ARR3: variants seen among roughly 807,000 people sequenced by gnomAD.
ARR3 encodes the protein arrestin 3, also known as arrestin-C.
A neutral mutation model predicts 35.4 loss-of-function variants in ARR3; 14 were observed. The ratio of observed to expected loss-of-function variants is 0.40; its 90% confidence interval spans 0.26 to 0.62. The LOEUF (loss-of-function observed/expected upper bound fraction) is 0.62. Among genes scored for constraint, ARR3 ranks in the 20% least tolerant of loss-of-function variants. ARR3 has a pLI of 0.46. For missense variants in ARR3, 259 were observed against 303.8 expected (o/e 0.85, Z 1.10); for synonymous variants, 97 against 119.1 (o/e 0.81, Z 1.21).
At chrX:70,274,055 A>G (rs1374642488) in intron 5 of ARR3, among the ~76,000 whole-genome samples, 2 of 109,825 alleles carry the variant, frequency 1.8e-5, no homozygotes, top group East Asian at 5.7e-4. Context: ...TTTGGTGTTT[A>G]TTATTCTCTT....
chrX:70,278,369 C>T (rs1387380327), intron 11 of ARR3, 135 bp from the exon 12 acceptor site: 2 of 853,399 alleles, frequency 2.3e-6, no homozygotes, highest in African/African-American at 4.1e-5. Flanking sequence ...TTCTCCCAGT[C>T]TTCAGTTAAA....
rs187224680 is a variant in ARR3, at chrX:70,273,971, G to A, written c.146-2111G>A. ...CTCCTGTGTGTCCTTCCCTGATCCAGTTTGCCTCCCTCCCTCCCTACTTAA... is the reference window on the plus strand; with the variant it reads ...CTCCTGTGTGTCCTTCCCTGATCCAATTTGCCTCCCTCCCTCCCTACTTAA... On this transcript the variant is annotated intron_variant, in intron 5 of 16. Coordinates refer to ENST00000307959, the MANE Select transcript of ARR3 (RefSeq NM_004312.3). 2.8e-4 allele frequency among the ~76,000 whole-genome samples: 31 copies of A among 110,064 alleles called. 1 individual carries two copies. The highest frequency in any genetic ancestry group is 9.6e-4 in the African/African-American group (29 of 30,212).
chrX:70,273,520 C>T (rs2085639166), intron 5 of ARR3, among the ~76,000 whole-genome samples: 1 of 112,061 alleles, frequency 8.9e-6, no homozygotes, highest in African/African-American at 3.2e-5. Context: ...CTGTGCCCGG[C>T]CTCCAAAGGG....
rs368374611 is a variant in ARR3, at chrX:70,273,518, G to A, written c.146-2564G>A. On this transcript the variant is annotated intron_variant, in intron 5 of 16. Transcript: ENST00000307959. Reference sequence around the variant, plus strand: ...ATTACAGGCGTGAGCCACTGTGCCCGGCCTCCAAAGGGATTTCGAATACAT... The same window carrying A: ...ATTACAGGCGTGAGCCACTGTGCCCAGCCTCCAAAGGGATTTCGAATACAT... 9.6e-4 allele frequency among the ~76,000 whole-genome samples: 107 copies of A among 111,857 alleles called. No homozygotes were observed. The East Asian group carries it at 0.012, about 12-fold the overall frequency.
chrX:70,269,994 G>A, intron 4 of ARR3, 91 bp downstream of exon 4: 1 of 1,174,262 alleles, frequency 8.5e-7, no homozygotes, highest in Non-Finnish European at 1.2e-6. Context: ...CAGAAAAGGA[G>A]GCAAATTAAA....
intron 1 of ARR3, among the ~76,000 whole-genome samples, chrX:70,268,652 T>C (rs1372572720): frequency 8.9e-6 from 1 of 111,759 alleles, no homozygotes; most frequent in Non-Finnish European, 1.9e-5. Context: ...TGGATGGGGA[T>C]AAGGATGGGA....
Position 70,281,705 on chromosome X carries a change from C to T in ARR3, c.1106C>T (p.Thr369Met), listed in dbSNP as rs369964106. 12 of 1,186,719 alleles carry T rather than the reference C, an allele frequency of 1.0e-5. No homozygotes were observed. The highest frequency in any genetic ancestry group is 1.8e-5 in the African/African-American group (1 of 57,098). The change falls in exon 17 of 17, where the codon ACG becomes ATG. Residue 369 changes from threonine (T) to methionine (M), a missense_variant. Physicochemically the swap from Thr to Met is moderately conservative, Grantham distance 81. Transcript: ENST00000307959. ...GAGGACATAGTCATCGAGGAGTTTA[C>T]GCGGAAAGGCGAGGAGGAGAGCCAG... ...SSEDIVIEEFTRKGEEESQKA... is the reference protein window; with the variant it reads ...SSEDIVIEEFMRKGEEESQKA...
chrX:70,270,213 G>A (rs1302027026), intron 5 of ARR3, 69 bp downstream of exon 5: 1 of 1,086,128 alleles, frequency 9.2e-7, no homozygotes, highest in Non-Finnish European at 1.3e-6. Flanking sequence ...TTGCACCAGA[G>A]TACAACAAAA....
intron 5 of ARR3, among the ~76,000 whole-genome samples, chrX:70,273,463 C>T (rs1306485972): frequency 1.8e-5 from 2 of 111,390 alleles, no homozygotes; most frequent in Admixed American, 9.5e-5. Context: ...CTCAGCCTAT[C>T]CACCCGCCTG....
intron 14 of ARR3, 29 bp downstream of exon 14, chrX:70,280,611 G>A (rs189468851): frequency 1.0e-4 from 119 of 1,195,680 alleles, no homozygotes; most frequent in Admixed American, 3.6e-4. Context: ...GGGGAACTTG[G>A]GCAAGAAGAG....
At chrX:70,270,923 C>T (rs1404031710) in intron 5 of ARR3, among the ~76,000 whole-genome samples, 2 of 109,626 alleles carry the variant, frequency 1.8e-5, no homozygotes, top group African/African-American at 6.7e-5. Flanking sequence ...TTTTAATTCT[C>T]ACTATGGATT....
intron 16 of ARR3, 29 bp from the exon 17 acceptor site, chrX:70,281,647 C>T (rs1602726448): frequency 8.8e-7 from 1 of 1,138,643 alleles, no homozygotes; most frequent in East Asian, 3.2e-5. Flanking sequence ...GGTTCCTAAC[C>T]TTCCATTCTC....
intron 9 of ARR3, 24 bp from the exon 10 acceptor site, chrX:70,277,692 C>T: frequency 3.3e-6 from 4 of 1,200,860 alleles, no homozygotes; most frequent in Non-Finnish European, 4.5e-6. Context: ...CCAGCCTTGA[C>T]ATGGGTCCCC....
In ARR3 at chrX:70,269,345, C is replaced by A; in HGVS notation, c.-30-11C>A. 2 of 1,201,938 alleles carry A rather than the reference C, an allele frequency of 1.7e-6. No individual in the cohort carries two copies. Among genetic ancestry groups the A allele is most frequent in the Non-Finnish European group, 2.2e-6 (2 of 891,555 alleles). On this transcript the variant is annotated splice_polypyrimidine_tract_variant and intron_variant, in intron 1 of 16. Transcript: ENST00000307959. ...GAAATGATTGAGCCTTTCTTCTTTC[C>A]CTTTTCCCAGAAAAGGCTCAACATC...
intron 9 of ARR3, 54 bp downstream of exon 9, chrX:70,277,583 C>T (rs1362715620): frequency 1.7e-6 from 2 of 1,191,158 alleles, no homozygotes; most frequent in Non-Finnish European, 2.3e-6. Context: ...GATGCCCTTT[C>T]TTCACTGATT....
At chrX:70,277,999 G>A (rs1392287887) in intron 10 of ARR3, 67 bp from the exon 11 acceptor site, 1 of 1,069,375 alleles carries the variant, frequency 9.4e-7, no homozygotes, top group Non-Finnish European at 1.3e-6. Context: ...CACATCTAAG[G>A]ACACTGAGCT....
rs2085664952 is a variant in ARR3 at position 70,278,612 on chromosome X, T to A, written c.876T>A (p.His292Gln). The change falls in exon 12 of 17, where the codon CAT becomes CAA. Residue 292 changes from histidine (H) to glutamine (Q), a missense_variant. By Grantham distance (24) the His-to-Gln change is conservative (BLOSUM62 0). Coordinates refer to ENST00000307959, the MANE Select transcript of ARR3 (RefSeq NM_004312.3). ...TGGCACTGGATGGCAAACTTAAGCA[T>A]GAAGATACCAACCTGGCCTCTAGCA... Reference protein sequence around the residue: ...RGLALDGKLKHEDTNLASSTI... With the variant: ...RGLALDGKLKQEDTNLASSTI... 8.3e-7 allele frequency: 1 copy of A among 1,210,252 alleles called. No individual in the cohort carries two copies. Among genetic ancestry groups the A allele is most frequent in the Non-Finnish European group, 1.1e-6 (1 of 895,198 alleles).
chrX:70,275,912 C>T (rs1602721971), intron 5 of ARR3, among the ~76,000 whole-genome samples, 170 bp from the exon 6 acceptor site: 1 of 109,301 alleles, frequency 9.1e-6, no homozygotes, highest in Middle Eastern at 4.7e-3. Context: ...CTCCTGACCT[C>T]GTGATCCACC....
chrX:70,269,699 G>A lies in ARR3; in HGVS notation c.39+7G>A. 1 of 1,206,066 alleles carries A rather than the reference G, an allele frequency of 8.3e-7. No homozygotes were observed. Among genetic ancestry groups the A allele is most frequent in the Admixed American group, 2.2e-5 (1 of 45,666 alleles). On this transcript the variant is annotated splice_region_variant and intron_variant, in intron 3 of 16. Coordinates refer to ENST00000307959, the MANE Select transcript of ARR3 (RefSeq NM_004312.3). ...GACCAGCTCCAATGGGAAGGTGAGA[G>A]AACCTGGCCCAGCTGGGCAAATGAG...
Sources: allele counts gnomAD v4.1 joint callset (sites outside exome capture counted in the v4.1 genomes callset), GRCh38; gene constraint gnomAD v4.1.1; transcripts MANE v1.5; gene names NCBI Gene and HGNC (gene_info 2026-07-23, HGNC 2026-07-21).